The following ADAMTS9 variants were observed in gnomAD, a reference collection of about 807,000 sequenced individuals.
The protein encoded by ADAMTS9 is ADAM metallopeptidase with thrombospondin type 1 motif 9, also known as A disintegrin and metalloproteinase with thrombospondin motifs 9.
A neutral mutation model predicts 257.1 loss-of-function variants in ADAMTS9; 107 were observed. The ratio of observed to expected loss-of-function variants is 0.42; its 90% CI spans 0.36 to 0.49. The LOEUF is 0.49. Ranked by LOEUF, ADAMTS9 falls within the 20% of genes least tolerant of loss-of-function variation. The pLI is 0.03. For synonymous variants in ADAMTS9, 982 were observed against 880.9 expected (o/e 1.11, Z -2.03); for missense variants, 2,353 against 2,469.1 (o/e 0.95, Z 1.00).
chr3:64,533,789 G>C (rs1384760838), intron 37 of ADAMTS9, among the ~76,000 whole-genome samples: 2 of 152,210 alleles, frequency 1.3e-5, no homozygotes, highest in Non-Finnish European at 2.9e-5. Context: ...GCTTTCCCCA[G>C]GACGGTCAGC....
At chr3:64,521,987 G>GT (rs1313789275) in intron 39 of ADAMTS9, among the ~76,000 whole-genome samples, 179 bp downstream of exon 39, 1 of 152,196 alleles carries the variant, frequency 6.6e-6, no homozygotes, top group African/African-American at 2.4e-5. Context: ...TAATGGCAGA[G>GT]AACTGATGGC....
intron 29 of ADAMTS9, among the ~76,000 whole-genome samples, chr3:64,565,141 A>G (rs2083510219): frequency 2.0e-5 from 3 of 152,302 alleles, no homozygotes; most frequent in African/African-American, 7.2e-5. Context: ...AGTTCTCCTC[A>G]CTGACCATGT....
intron 3 of ADAMTS9, among the ~76,000 whole-genome samples, chr3:64,680,177 T>C (rs1701718703): frequency 1.3e-5 from 2 of 152,132 alleles, no homozygotes; most frequent in South Asian, 4.2e-4. Flanking sequence ...AACAACCTGG[T>C]ACAGGTATAA....
In ADAMTS9 at chr3:64,551,336, A is replaced by G. The variant is rs544930184; in HGVS notation, c.4699-274T>C. Among the ~76,000 whole-genome samples, 15 of 152,132 alleles carry G rather than the reference A, an allele frequency of 9.9e-5. No homozygotes were observed. The South Asian group carries it at 2.7e-3, about 27-fold the overall frequency. ...GCCGTTTTCCTGCCTCAGCCTCCCG[A>G]GTAGCTGGGACTACAGGCGCCCGCC... On this transcript the variant is annotated intron_variant, in intron 30 of 39. Coordinates refer to ENST00000498707, the MANE Select transcript of ADAMTS9 (RefSeq NM_182920.2).
Position 64,621,103 on chromosome 3 carries a change from C to A in ADAMTS9, c.2813+11G>T. 6.2e-7 allele frequency: 1 copy of A among 1,600,614 alleles called. No individual in the cohort carries two copies. ...TTCAGTAATAAAGGCCTTGAGAAAA[C>A]AGTGGCCCACCTCAGGTCACAGTCT... On this transcript the variant is annotated intron_variant, in intron 19 of 39. Coordinates refer to ENST00000498707, the MANE Select transcript of ADAMTS9 (RefSeq NM_182920.2).
At chr3:64,543,250 C>T (rs1420951872) in intron 32 of ADAMTS9, among the ~76,000 whole-genome samples, 3 of 152,158 alleles carry the variant, frequency 2.0e-5, no homozygotes, top group Admixed American at 6.5e-5. Context: ...AGAGGGAATC[C>T]TCCCTAACAC....
In ADAMTS9 at chr3:64,577,081, T is replaced by C. The variant is rs887289314; in HGVS notation, c.4357-8546A>G. ...TATATGAAATCAGTTATGCAAGCTA[T>C]GAAACCCAAATTAGGGCTCTTTTTG... On this transcript the variant is annotated intron_variant, in intron 28 of 39. Coordinates refer to ENST00000498707, the MANE Select transcript of ADAMTS9 (RefSeq NM_182920.2). Among the ~76,000 whole-genome samples the C allele has an allele frequency of 7.2e-5, 11 of 152,328 alleles. No homozygotes were observed. The East Asian group carries it at 1.9e-3, about 27-fold the overall frequency.
intron 26 of ADAMTS9, among the ~76,000 whole-genome samples, chr3:64,597,704 G>T (rs981755286): frequency 1.3e-5 from 2 of 152,132 alleles, no homozygotes; most frequent in African/African-American, 2.4e-5. Flanking sequence ...TTGTCATGGG[G>T]TTATGTTTGC....
intron 28 of ADAMTS9, chr3:64,588,922 C>T (rs995188837): frequency 1.3e-5 from 2 of 152,152 alleles, no homozygotes; most frequent in African/African-American, 2.4e-5. Context: ...TTTGTAAATT[C>T]GTATGTCATA....
At position 64,641,876 on chromosome 3, in the gene ADAMTS9, T is replaced by C; in HGVS notation, c.1828A>G (p.Thr610Ala). 2 of 1,614,142 alleles carry C rather than the reference T, an allele frequency of 1.2e-6. No individual in the cohort carries two copies. The highest frequency in any genetic ancestry group is 2.2e-5 in the East Asian group (1 of 44,858). Residue 610 changes from threonine (T) to alanine (A), a missense_variant, in exon 12 of 40, where the codon ACA becomes GCA. Transcript: ENST00000498707. ...CSRTCGGGIK[T>A]AIRECNRPEP... is the part of the protein sequence containing the mutation. Reference sequence around the variant, plus strand: ...GGTCTGTTGCACTCTCGAATGGCTGTTTTGATGCCCCCTCCACATGTTCTG... The same window carrying C: ...GGTCTGTTGCACTCTCGAATGGCTGCTTTGATGCCCCCTCCACATGTTCTG...
In ADAMTS9 at chr3:64,616,137, G is replaced by A. The variant is rs1013887669; in HGVS notation, c.2847C>T (p.Ala949=). 3.1e-6 allele frequency: 5 copies of A among 1,613,978 alleles called. No individual in the cohort carries two copies. The highest frequency in any genetic ancestry group is 4.2e-6 in the Non-Finnish European group (5 of 1,179,960). ...ATGTGCGGTAACCCAAGCCACACTG[G>A]GCACTACATTCACTCCTGCTGGCAA... The part of the protein sequence containing the change: ...WHVASRSECS[A]QCGLGYRTLD... Residue 949 remains alanine (A), a synonymous_variant, in exon 20 of 40, where the codon GCC becomes GCT. Coordinates refer to ENST00000498707, the MANE Select transcript of ADAMTS9 (RefSeq NM_182920.2).
intron 30 of ADAMTS9, among the ~76,000 whole-genome samples, chr3:64,557,238 A>AGGGGGAAAAGAACACAT (rs2083350902): frequency 2.0e-5 from 3 of 152,136 alleles, no homozygotes; most frequent in Non-Finnish European, 4.4e-5. Flanking sequence ...TTCCAGGTAA[A>AGGGGGAAAAGAACACAT]GGGGGAAAAG....
intron 19 of ADAMTS9, among the ~76,000 whole-genome samples, chr3:64,618,545 T>C (rs1182930259): frequency 6.6e-6 from 1 of 152,158 alleles, no homozygotes; most frequent in Non-Finnish European, 1.5e-5. Flanking sequence ...TGAGTGTCAA[T>C]TAAGTGACCC....
intron 3 of ADAMTS9, among the ~76,000 whole-genome samples, chr3:64,670,741 T>C (rs1024386643): frequency 2.6e-5 from 4 of 152,196 alleles, no homozygotes; most frequent in Non-Finnish European, 5.9e-5. Flanking sequence ...AAAAGATACA[T>C]GGATAGCAAA....
chr3:64,686,674 G>C lies in ADAMTS9; in HGVS notation c.410C>G (p.Thr137Ser), dbSNP rs1701916208. ...CGCTTCCTCTTCGGAATAAAACTTGGTCTGATTCACCCCGGGCGTCCCGAG... is the reference window on the plus strand; with the variant it reads ...CGCTTCCTCTTCGGAATAAAACTTGCTCTGATTCACCCCGGGCGTCCCGAG... ...TLLGTPGVNQ[T>S]KFYSEEEAEL... is the part of the protein sequence containing the mutation. The change falls in exon 2 of 40, where the codon ACC becomes AGC. Residue 137 changes from threonine (T) to serine (S), a missense_variant. This residue lies in a region of ADAMTS9 where 591 missense variants were observed against 569.6 expected (regional missense o/e 1.04). Transcript: ENST00000498707. This position sits in a 1 kb window ranked among gnomAD's most constrained non-coding sequence, Gnocchi z 4.6. 1.9e-6 allele frequency: 3 copies of C among 1,614,178 alleles called. No homozygotes were observed. The highest frequency in any genetic ancestry group is 2.7e-5 in the African/African-American group (2 of 75,032).
chr3:64,604,276 C>G lies in ADAMTS9; in HGVS notation c.3530G>C (p.Ser1177Thr). 6.2e-7 allele frequency: 1 copy of G among 1,613,620 alleles called. No homozygotes were observed. The highest frequency in any genetic ancestry group is 8.5e-7 in the Non-Finnish European group (1 of 1,179,812). ...CTGGGTTCTTGGTGCACTGTATGTG[C>G]TTCTCCTCGTTTCCGGGGCAGCTGG... ...PPPAAPETRR[S>T]TYSAPRTQWR... The change falls in exon 24 of 40, where the codon AGC (serine) becomes ACC (threonine). Residue 1177 changes from serine (S) to threonine (T), a missense_variant. Ser to Thr is a moderately conservative substitution (Grantham distance 58). Transcript: ENST00000498707.
In ADAMTS9 at chr3:64,535,240, A is replaced by C. The variant is rs141375127; in HGVS notation, c.5614-1970T>G. On this transcript the variant is annotated intron_variant, in intron 37 of 39. Coordinates refer to ENST00000498707, the MANE Select transcript of ADAMTS9 (RefSeq NM_182920.2). ...CTAAGAATACAAAAATTAGCTGGGCATGGTGGTGTGTGCCTGTAATCCCAG... is the reference window on the plus strand; with the variant it reads ...CTAAGAATACAAAAATTAGCTGGGCCTGGTGGTGTGTGCCTGTAATCCCAG... Among the ~76,000 whole-genome samples the C allele has an allele frequency of 9.8e-3, 1,484 of 152,102 alleles. 50 individuals carry two copies. Among genetic ancestry groups the C allele is most frequent in the East Asian group, 0.074 (377 of 5,122 alleles).
At chr3:64,552,166 C>G (rs944753375) in intron 30 of ADAMTS9, among the ~76,000 whole-genome samples, 1 of 152,212 alleles carries the variant, frequency 6.6e-6, no homozygotes, top group African/African-American at 2.4e-5. Flanking sequence ...GCCTAAGTTA[C>G]TTGCCCCAGG....
intron 28 of ADAMTS9, among the ~76,000 whole-genome samples, chr3:64,577,479 G>A (rs185914816): frequency 2.6e-4 from 39 of 152,324 alleles, no homozygotes; most frequent in Admixed American, 2.1e-3. Context: ...TATGAAAGCC[G>A]TCTGGAAGAC....
Sources: gnomAD v4.1 joint callset for allele counts (sites outside exome capture counted in the v4.1 genomes callset) on GRCh38, gnomAD v4.1.1 for gene constraint, gnomAD v4.1.1 regional missense constraint, Gnocchi (gnomAD v3.1) non-coding constraint, MANE v1.5 for transcripts, NCBI Gene and HGNC (gene_info 2026-07-23, HGNC 2026-07-21) for gene names.